The following DLG2 variants were observed in gnomAD, a reference collection of about 807,000 sequenced individuals.
DLG2 encodes the protein discs large MAGUK scaffold protein 2, also known as disks large homolog 2.
DLG2 carries 45 observed loss-of-function variants against 132.5 expected under a neutral mutation model. That is an observed-to-expected ratio of 0.34 (90% CI 0.27 to 0.44). DLG2 has a LOEUF of 0.44. Among genes scored for constraint, DLG2 ranks in the 20% least tolerant of loss-of-function variants. DLG2 has a pLI of 1.00. For missense variants in DLG2, 1,045 were observed against 1,196.9 expected, an observed-to-expected ratio of 0.87 and a Z score of 1.87; for synonymous variants, 424 against 419.6, an observed-to-expected ratio of 1.01 and a Z score of -0.13.
chr11:85,067,403 C>A (rs1475995765), intron 6 of DLG2, among the ~76,000 whole-genome samples: 1 of 151,858 alleles, frequency 6.6e-6, no homozygotes, highest in African/African-American at 2.4e-5. Context: ...AATGTGTTTG[C>A]ACTTGCTTCT....
chr11:83,659,435 C>T (rs2073666568), intron 18 of DLG2, among the ~76,000 whole-genome samples: 2 of 152,166 alleles, frequency 1.3e-5, no homozygotes. Context: ...TTTTTGCTTA[C>T]TCCTTTACCC....
At chr11:84,734,929 T>C (rs1258869165) in intron 6 of DLG2, among the ~76,000 whole-genome samples, 2 of 152,106 alleles carry the variant, frequency 1.3e-5, no homozygotes, top group East Asian at 1.9e-4. Context: ...TGTTTATATG[T>C]TGGATTATGT....
intron 3 of DLG2, among the ~76,000 whole-genome samples, chr11:85,426,410 G>T (rs2090744226): frequency 6.6e-6 from 1 of 152,234 alleles, no homozygotes; most frequent in Non-Finnish European, 1.5e-5. Flanking sequence ...ACACGGCTGG[G>T]TACTCCTCTG....
intron 7 of DLG2, among the ~76,000 whole-genome samples, chr11:84,398,756 A>ATTCT (rs143280115): frequency 0.054 from 8,200 of 152,222 alleles, 751 homozygotes; most frequent in African/African-American, 0.19. Context: ...GGTTTACACA[A>ATTCT]TTCTTACTGT....
intron 18 of DLG2, among the ~76,000 whole-genome samples, chr11:83,731,093 CT>C (rs1431968698): frequency 6.6e-6 from 1 of 152,158 alleles, no homozygotes; most frequent in Admixed American, 6.5e-5. Context: ...AAGTGGCCCT[CT>C]GCGTTATGTA....
chr11:84,152,893 C>T (rs1566727151), intron 9 of DLG2, among the ~76,000 whole-genome samples: 1 of 152,066 alleles, frequency 6.6e-6, no homozygotes, highest in African/African-American at 2.4e-5. Flanking sequence ...TACTGTCATC[C>T]TGTTGTTAGC....
At chr11:84,653,598 T>C (rs1372850242) in intron 6 of DLG2, among the ~76,000 whole-genome samples, 2 of 152,182 alleles carry the variant, frequency 1.3e-5, no homozygotes, top group African/African-American at 4.8e-5. Context: ...ATGTGCCAGC[T>C]CCTGTTTGAG....
chr11:85,172,172 G>C (rs754420516), intron 4 of DLG2, among the ~76,000 whole-genome samples: 1 of 152,186 alleles, frequency 6.6e-6, no homozygotes, highest in African/African-American at 2.4e-5. Flanking sequence ...CTCCCAATAA[G>C]GGTCTCCAGA....
chr11:84,896,841 A>G (rs1231665325), intron 6 of DLG2, among the ~76,000 whole-genome samples: 1 of 151,938 alleles, frequency 6.6e-6, no homozygotes, highest in Non-Finnish European at 1.5e-5. Context: ...TATAAATTAA[A>G]CTTTATCACA....
At chr11:84,243,680 C>T (rs1463094725) in intron 8 of DLG2, among the ~76,000 whole-genome samples, 2 of 152,108 alleles carry the variant, frequency 1.3e-5, no homozygotes, top group Non-Finnish European at 1.5e-5. Flanking sequence ...GCTGTTAGTC[C>T]ATGGGTCACA....
At chr11:83,903,315 A>G (rs1248619954) in intron 15 of DLG2, among the ~76,000 whole-genome samples, 1 of 152,138 alleles carries the variant, frequency 6.6e-6, no homozygotes, top group African/African-American at 2.4e-5. Context: ...AATTTTTGAA[A>G]TAAGTAGGAA....
chr11:84,000,003 C>A (rs2094259926), intron 11 of DLG2, among the ~76,000 whole-genome samples: 1 of 149,780 alleles, frequency 6.7e-6, no homozygotes, highest in Non-Finnish European at 1.5e-5. Context: ...CACAATAATT[C>A]TCTAGTAACA....
chr11:84,710,181 C>A (rs2060226751), intron 6 of DLG2, among the ~76,000 whole-genome samples: 1 of 151,778 alleles, frequency 6.6e-6, no homozygotes, highest in Non-Finnish European at 1.5e-5. Context: ...TGGTGATCAC[C>A]CAAAAAGGGT....
chr11:83,928,271 A>C (rs536423239), intron 15 of DLG2, among the ~76,000 whole-genome samples: 153 of 152,228 alleles, frequency 1.0e-3, no homozygotes, highest in Non-Finnish European at 1.6e-3. Context: ...AAAAAAATTC[A>C]ACATTGTACT....
intron 19 of DLG2, among the ~76,000 whole-genome samples, chr11:83,551,401 G>T (rs915587813): frequency 6.6e-6 from 1 of 152,238 alleles, no homozygotes; most frequent in Non-Finnish European, 1.5e-5. Flanking sequence ...CAGCAGAGGT[G>T]CTGGATAAAA....
At chr11:84,973,791 T>A (rs2054461531) in intron 6 of DLG2, among the ~76,000 whole-genome samples, 1 of 152,180 alleles carries the variant, frequency 6.6e-6, no homozygotes, top group Non-Finnish European at 1.5e-5. Context: ...TGGCCATACA[T>A]AATAGGTAAA....
chr11:84,917,074 T>A (rs1187596350), intron 6 of DLG2, among the ~76,000 whole-genome samples: 1 of 152,234 alleles, frequency 6.6e-6, no homozygotes, highest in Non-Finnish European at 1.5e-5. Context: ...GTATTTTACT[T>A]AACTGTCTTA....
intron 6 of DLG2, among the ~76,000 whole-genome samples, chr11:84,995,399 T>A (rs2057534656): frequency 6.6e-6 from 1 of 152,146 alleles, no homozygotes; most frequent in African/African-American, 2.4e-5. Context: ...GCTCTGAGGA[T>A]TAGTAAATCA....
At chr11:85,093,629 G>A (rs568757720) in intron 6 of DLG2, among the ~76,000 whole-genome samples, 2 of 152,336 alleles carry the variant, frequency 1.3e-5, no homozygotes, top group South Asian at 2.1e-4. Flanking sequence ...CCTGGTGACA[G>A]GTGAAAGAAC....
Sources: allele counts gnomAD v4.1 joint callset (sites outside exome capture counted in the v4.1 genomes callset), GRCh38; gene constraint gnomAD v4.1.1; transcripts MANE v1.5; gene names NCBI Gene and HGNC (gene_info 2026-07-23, HGNC 2026-07-21).